MAST4: variants seen among roughly 807,000 people sequenced by gnomAD.
MAST4 encodes the protein microtubule associated serine/threonine kinase family member 4, also known as microtubule-associated serine/threonine-protein kinase 4.
A neutral mutation model predicts 162.7 loss-of-function variants in MAST4; 89 were observed. The observed-to-expected ratio is 0.55, with a 90% CI of 0.46 to 0.65. MAST4 has a LOEUF of 0.65. Among genes scored for constraint, MAST4 ranks in the 30% least tolerant of loss-of-function variants. The pLI, the probability that MAST4 is intolerant of heterozygous loss-of-function variation, is 0.00. For synonymous variants in MAST4, 1,479 were observed against 1,361.1 expected, an observed-to-expected ratio of 1.09 and a Z score of -1.91; for missense variants, 3,153 against 3,374.0, an observed-to-expected ratio of 0.93 and a Z score of 1.62.
intron 1 of MAST4, among the ~76,000 whole-genome samples, chr5:66,729,188 G>C (rs545567755): frequency 2.0e-5 from 3 of 152,138 alleles, no homozygotes; most frequent in Admixed American, 6.6e-5. Flanking sequence ...TATGCAATTA[G>C]GAATATTTAG....
At chr5:66,825,636 A>T (rs1000593563) in intron 3 of MAST4, among the ~76,000 whole-genome samples, 1 of 152,210 alleles carries the variant, frequency 6.6e-6, no homozygotes, top group African/African-American at 2.4e-5. Context: ...TCTGTAAACC[A>T]TTTAATTGCA....
intron 2 of MAST4, among the ~76,000 whole-genome samples, chr5:66,760,896 C>T (rs1365045080): frequency 2.0e-5 from 3 of 152,076 alleles, no homozygotes; most frequent in East Asian, 1.9e-4. Context: ...CTGATCTGAT[C>T]GCTATACATT....
chr5:66,710,615 T>C (rs972462029), intron 1 of MAST4, among the ~76,000 whole-genome samples: 5 of 152,186 alleles, frequency 3.3e-5, no homozygotes, highest in African/African-American at 7.2e-5. Flanking sequence ...TTATGGAGTC[T>C]TTTTTATTCA....
Position 66,788,769 on chromosome 5 carries a change from C to G in MAST4, c.617C>G (p.Ser206Trp). 1 of 1,600,012 alleles carries G rather than the reference C, an allele frequency of 6.2e-7. No individual in the cohort carries two copies. Among genetic ancestry groups the G allele is most frequent in the Non-Finnish European group, 8.5e-7 (1 of 1,172,692 alleles). ...ATGCGCAGCCAGGCCCTGGGCCAGT[C>G]GGCGCCCTCGCTCACCGCCAGCCTG... ...VRMRSQALGQ[S>W]APSLTASLKE... The change falls in exon 3 of 29, where the codon TCG (serine) becomes TGG (tryptophan). Residue 206 changes from serine to tryptophan, a missense_variant. Physicochemically the swap from Ser to Trp is radical, Grantham distance 177. Coordinates refer to ENST00000403625, the MANE Select transcript of MAST4 (RefSeq NM_001164664.2).
At chr5:66,881,734 G>T (rs1761707304) in intron 3 of MAST4, among the ~76,000 whole-genome samples, 1 of 152,096 alleles carries the variant, frequency 6.6e-6, no homozygotes, top group Non-Finnish European at 1.5e-5. Context: ...TCACAGACAA[G>T]GTTAAGTACA....
intron 13 of MAST4, among the ~76,000 whole-genome samples, chr5:67,119,341 C>G (rs903112254): frequency 6.6e-6 from 1 of 152,054 alleles, no homozygotes; most frequent in Non-Finnish European, 1.5e-5. Flanking sequence ...AGGCTCCTGC[C>G]GTGGCACAGG....
At position 67,161,039 on chromosome 5, in the gene MAST4, A is replaced by G. The variant is rs188682636; in HGVS notation, c.3785+447A>G. Among the ~76,000 whole-genome samples, 3 of 152,362 alleles carry G rather than the reference A, an allele frequency of 2.0e-5. No individual in the cohort carries two copies. In the East Asian group the frequency reaches 5.8e-4, roughly 29 times the overall value. ...TTAAAGGTTCCGAATAAGCCTAGAAATAAAAGGGCTTTGTTTTACTCACTG... is the reference window on the plus strand; with the variant it reads ...TTAAAGGTTCCGAATAAGCCTAGAAGTAAAAGGGCTTTGTTTTACTCACTG... On this transcript the variant is annotated intron_variant, in intron 27 of 28. Transcript: ENST00000403625.
At chr5:67,160,168 C>T (rs1773024375) in intron 26 of MAST4, among the ~76,000 whole-genome samples, 1 of 152,122 alleles carries the variant, frequency 6.6e-6, no homozygotes, top group South Asian at 2.1e-4. Flanking sequence ...TTAATTGGTA[C>T]AGGAAGTTGA....
chr5:67,139,510 C>T (rs1417355152), intron 19 of MAST4, among the ~76,000 whole-genome samples: 1 of 152,206 alleles, frequency 6.6e-6, no homozygotes. Flanking sequence ...CACTGCTACC[C>T]ATATCTTGAA....
chr5:67,078,935 TA>T (rs1417174528), intron 5 of MAST4, among the ~76,000 whole-genome samples: 4 of 95,844 alleles, frequency 4.2e-5, no homozygotes, highest in Admixed American at 1.3e-4. Context: ...TATATATATA[TA>T]TATATATATA....
chr5:66,994,429 C>G (rs1750399954), intron 4 of MAST4, among the ~76,000 whole-genome samples: 1 of 152,104 alleles, frequency 6.6e-6, no homozygotes, highest in Non-Finnish European at 1.5e-5. Context: ...TCTGTACGTA[C>G]TTCATTTCCT....
chr5:66,661,484 G>A (rs1442869410), intron 1 of MAST4, among the ~76,000 whole-genome samples: 1 of 152,140 alleles, frequency 6.6e-6, no homozygotes, highest in African/African-American at 2.4e-5. Flanking sequence ...AGGGAATGTA[G>A]ATTTATTTTT....
At chr5:66,906,335 A>C (rs1248733589) in intron 4 of MAST4, among the ~76,000 whole-genome samples, 1 of 152,210 alleles carries the variant, frequency 6.6e-6, no homozygotes, top group Non-Finnish European at 1.5e-5. Context: ...GGATTCGTTC[A>C]GTCAGATGGG....
chr5:66,729,593 G>A (rs1175875931), intron 1 of MAST4, among the ~76,000 whole-genome samples: 1 of 152,080 alleles, frequency 6.6e-6, no homozygotes, highest in East Asian at 1.9e-4. Context: ...CATATTGAGG[G>A]CCTCTTATTC....
chr5:66,779,660 A>G (rs964030767), intron 2 of MAST4, among the ~76,000 whole-genome samples: 9 of 152,198 alleles, frequency 5.9e-5, no homozygotes, highest in African/African-American at 2.2e-4. Context: ...CTGAAGATGA[A>G]TAAGGGAAGC....
At chr5:66,601,840 G>T (rs1742573643) in intron 1 of MAST4, among the ~76,000 whole-genome samples, 1 of 152,056 alleles carries the variant, frequency 6.6e-6, no homozygotes, top group Admixed American at 6.5e-5. Flanking sequence ...ATTTTGGGAG[G>T]GTCAGGAAGT....
intron 1 of MAST4, among the ~76,000 whole-genome samples, chr5:66,751,519 T>C (rs892238257): frequency 7.2e-5 from 11 of 151,912 alleles, no homozygotes; most frequent in African/African-American, 2.4e-4. Context: ...GGAGCCGATG[T>C]GATCAACTGG....
intron 3 of MAST4, among the ~76,000 whole-genome samples, chr5:66,818,335 AT>A: frequency 6.6e-6 from 1 of 152,276 alleles, no homozygotes; most frequent in East Asian, 1.9e-4. Flanking sequence ...CATGGACTCA[AT>A]GTATACCTTG....
intron 16 of MAST4, among the ~76,000 whole-genome samples, chr5:67,132,232 G>T (rs1666622649): frequency 6.6e-6 from 1 of 152,030 alleles, no homozygotes; most frequent in African/African-American, 2.4e-5. Flanking sequence ...GTGCAGGTTT[G>T]TTACATAGGT....
Sources: allele counts gnomAD v4.1 joint callset (sites outside exome capture counted in the v4.1 genomes callset), GRCh38; gene constraint gnomAD v4.1.1; transcripts MANE v1.5; gene names NCBI Gene and HGNC (gene_info 2026-07-23, HGNC 2026-07-21).